SIM1: variants seen among roughly 807,000 people sequenced by gnomAD.
The protein encoded by SIM1 is SIM bHLH transcription factor 1.
Under a neutral mutation model 78.2 loss-of-function variants are expected in SIM1, and 18 were observed. The observed-to-expected ratio is 0.23, with a 90% confidence interval of 0.16 to 0.34. The LOEUF (loss-of-function observed/expected upper bound fraction) is 0.34. SIM1 is among the 10% of genes least tolerant of loss of function. The pLI is 1.00. For synonymous variants in SIM1, 417 were observed against 385.2 expected (o/e 1.08, Z -0.97); for missense variants, 939 against 975.1 (o/e 0.96, Z 0.49).
At chr6:100,412,573 AAGAAAGAAAGAAAG>A (rs1771226925) in intron 10 of SIM1, among the ~76,000 whole-genome samples, 1 of 110,606 alleles carries the variant, frequency 9.0e-6, no homozygotes, top group East Asian at 5.0e-4. Context: ...GAAAGAAAGA[AAGAAAGAAAGAAAG>A]AAAGAAAGAA....
chr6:100,444,007 A>C (rs1772286663), intron 9 of SIM1, among the ~76,000 whole-genome samples: 1 of 152,136 alleles, frequency 6.6e-6, no homozygotes, highest in African/African-American at 2.4e-5. Flanking sequence ...TAAAAGTGGC[A>C]GAATATTTCT....
At chr6:100,449,783 G>T in intron 4 of SIM1, 84 bp from the exon 5 acceptor site, 1 of 1,103,490 alleles carries the variant, frequency 9.1e-7, no homozygotes, top group Non-Finnish European at 1.4e-6. Flanking sequence ...GGATCTGCAG[G>T]ACCATGAGGA....
chr6:100,427,222 A>G (rs545895195), intron 9 of SIM1: 2 of 152,270 alleles, frequency 1.3e-5, no homozygotes, highest in African/African-American at 4.8e-5. Context: ...ACAAGGAGGA[A>G]TACTGCGAGG....
In SIM1 at chr6:100,448,196, T is replaced by A. The variant is rs1175710089; in HGVS notation, c.800A>T (p.His267Leu). The A allele has an allele frequency of 6.8e-6, 11 of 1,613,964 alleles. No homozygotes were observed. Among genetic ancestry groups the A allele is most frequent in the Non-Finnish European group, 9.3e-6 (11 of 1,179,974 alleles). Reference protein sequence around the residue: ...PQDLIEKTLYHHVHGCDTFHL... With the variant: ...PQDLIEKTLYLHVHGCDTFHL... ...GAAGGTGTCGCAGCCGTGCACATGG[T>A]GGTACAGAGTCTTCTCAATCAGGTC... Residue 267 changes from histidine to leucine, a missense_variant, in exon 8 of 12, where the codon CAC becomes CTC. Physicochemically the swap from His to Leu is moderately conservative, Grantham distance 99. This residue lies in a region of SIM1 where 187 missense variants were observed against 191.6 expected (regional missense o/e 0.98). Coordinates refer to ENST00000369208, the MANE Select transcript of SIM1 (RefSeq NM_005068.3).
At chr6:100,437,867 A>C (rs1268010523) in intron 9 of SIM1, among the ~76,000 whole-genome samples, 1 of 152,162 alleles carries the variant, frequency 6.6e-6, no homozygotes. Flanking sequence ...TAAACACCTA[A>C]ATGTGTGGGT....
At chr6:100,421,973 C>A (rs66538288) in intron 9 of SIM1, among the ~76,000 whole-genome samples, 16,550 of 151,642 alleles carry the variant, frequency 0.11, 950 homozygotes, top group East Asian at 0.15. Flanking sequence ...CATATAGCTC[C>A]TCACGTTTCC....
intron 9 of SIM1, among the ~76,000 whole-genome samples, chr6:100,431,308 C>T (rs1771893759): frequency 6.6e-6 from 1 of 152,120 alleles, no homozygotes. Context: ...TTCATTCATA[C>T]CTATGACTTA....
In SIM1 at chr6:100,390,714, TGTC is replaced by T. The variant is rs767851013; in HGVS notation, c.1945_1947del (p.Asp649del). ...ATCCGAGATAGTGCGGTGGGACTGTTGTCATAGTCATTTTCATGGGGGCTCAAC... is the reference window on the plus strand; with the variant it reads ...ATCCGAGATAGTGCGGTGGGACTGTTATAGTCATTTTCATGGGGGCTCAAC... On this transcript the variant is annotated inframe_deletion, in exon 12 of 12. Transcript: ENST00000369208. The T allele has an allele frequency of 6.2e-7, 1 of 1,614,098 alleles. No homozygotes were observed. The highest frequency in any genetic ancestry group is 8.5e-7 in the Non-Finnish European group (1 of 1,180,018).
chr6:100,436,958 G>A (rs572118537), intron 9 of SIM1, among the ~76,000 whole-genome samples: 10 of 152,024 alleles, frequency 6.6e-5, no homozygotes, highest in African/African-American at 1.9e-4. Context: ...GGATGGTCTC[G>A]ATCTCCTGAC....
chr6:100,441,656 C>T (rs1292083120), intron 9 of SIM1, among the ~76,000 whole-genome samples: 1 of 152,180 alleles, frequency 6.6e-6, no homozygotes, highest in East Asian at 1.9e-4. Context: ...AAAATGTTTG[C>T]AGGCTACATT....
At chr6:100,399,767 C>A (rs1352511438) in intron 10 of SIM1, among the ~76,000 whole-genome samples, 1 of 151,958 alleles carries the variant, frequency 6.6e-6, no homozygotes, top group East Asian at 1.9e-4. Context: ...AACATATCAA[C>A]CCCATCCATA....
rs200461311 is a variant in SIM1, at chr6:100,448,726, C to A, written c.544-48G>T. On this transcript the variant is annotated intron_variant, in intron 6 of 11. Transcript: ENST00000369208. ...GAGACTCAGCCACAGGTAGGAAGAG[C>A]CCCCAAAAGGTGGAGAAGGGGTTGA... is the stretch of plus-strand genomic sequence containing the variant. 3.6e-4 allele frequency: 561 copies of A among 1,548,108 alleles called. 3 individuals carry two copies. The highest frequency in any genetic ancestry group is 4.7e-5 in the Non-Finnish European group (53 of 1,138,176).
chr6:100,407,265 G>T (rs1418674095), intron 10 of SIM1, among the ~76,000 whole-genome samples: 2 of 152,142 alleles, frequency 1.3e-5, no homozygotes, highest in South Asian at 2.1e-4. Context: ...CACTTGGCAG[G>T]TTCATTTACT....
At position 100,403,335 on chromosome 6, in the gene SIM1, G is replaced by C. The variant is rs1770975750; in HGVS notation, c.1168-9446C>G. Among the ~76,000 whole-genome samples, 3 of 152,158 alleles carry C rather than the reference G, an allele frequency of 2.0e-5. No individual in the cohort carries two copies. In the South Asian group the frequency reaches 6.2e-4, roughly 31 times the overall value. On this transcript the variant is annotated intron_variant, in intron 10 of 11. Transcript: ENST00000369208. ...TCCCCCAGCTCTCCCCTGGAATTCAGCTTATAACAGAATCATTCCTTCTAG... is the reference window on the plus strand; with the variant it reads ...TCCCCCAGCTCTCCCCTGGAATTCACCTTATAACAGAATCATTCCTTCTAG...
chr6:100,443,757 A>G (rs1010587289), intron 9 of SIM1, among the ~76,000 whole-genome samples: 1 of 152,140 alleles, frequency 6.6e-6, no homozygotes, highest in South Asian at 2.1e-4. Context: ...ATGAAGCACC[A>G]TGATATCTGT....
At chr6:100,431,641 C>A (rs916523484) in intron 9 of SIM1, among the ~76,000 whole-genome samples, 2 of 152,102 alleles carry the variant, frequency 1.3e-5, no homozygotes, top group Non-Finnish European at 2.9e-5. Context: ...TTGTCTCTAT[C>A]CTTGAAGTCA....
At chr6:100,432,711 T>C (rs1771934873) in intron 9 of SIM1, among the ~76,000 whole-genome samples, 1 of 152,124 alleles carries the variant, frequency 6.6e-6, no homozygotes, top group Admixed American at 6.5e-5. Flanking sequence ...TAACACATAC[T>C]CTCTGGGGAT....
rs939259501 is a variant in SIM1 at position 100,388,719 on chromosome 6, G to C, written c.*1642C>G. 1 of 152,092 alleles carries C rather than the reference G, an allele frequency of 6.6e-6. No individual in the cohort carries two copies. The highest frequency in any genetic ancestry group is 2.4e-5 in the African/African-American group (1 of 41,416). The allele number at this position is 152,092 out of a possible 1,614,324, so 9.4% of individuals were successfully genotyped here. A position where few individuals can be genotyped will look rare whatever the true frequency, so the allele number is the denominator to read the frequency against. On this transcript the variant is annotated 3_prime_UTR_variant, in exon 12 of 12. Transcript: ENST00000369208. ...ACATTCCCTTCCTTAAATATGGCAA[G>C]AGTTTTGGGCACGGGACTCCTAGGA...
In SIM1 at chr6:100,390,579, A is replaced by T. The variant is rs763787712; in HGVS notation, c.2083T>A (p.Ser695Thr). 6.2e-7 allele frequency: 1 copy of T among 1,614,166 alleles called. No individual in the cohort carries two copies. The change falls in exon 12 of 12, where the codon TCT becomes ACT. Residue 695 changes from serine (S) to threonine (T), a missense_variant. Transcript: ENST00000369208. ...CGGTGAGAGCCAAAGCAGTTTGGAG[A>T]GACAGTAGGGTGGTCTCCTGCTGTC... is the stretch of plus-strand genomic sequence containing the variant. ...HQTAGDHPTVSPNCFGSHRQY... is the reference protein window; with the variant it reads ...HQTAGDHPTVTPNCFGSHRQY...
Sources: allele counts gnomAD v4.1 joint callset (sites outside exome capture counted in the v4.1 genomes callset), GRCh38; gene constraint gnomAD v4.1.1; regional missense constraint gnomAD v4.1.1; transcripts MANE v1.5; gene names NCBI Gene and HGNC (gene_info 2026-07-23, HGNC 2026-07-21).